CTNND2: variants seen among roughly 807,000 people sequenced by gnomAD.
The protein encoded by CTNND2 is catenin delta 2.
A neutral mutation model predicts 144.4 loss-of-function variants in CTNND2; 22 were observed. The observed-to-expected ratio is 0.15, with a 90% CI of 0.11 to 0.22. The LOEUF (loss-of-function observed/expected upper bound fraction) is 0.22, where lower values mean the gene tolerates loss of function less well. Ranked by LOEUF, CTNND2 falls within the 10% of genes least tolerant of loss-of-function variation. CTNND2 has a pLI of 1.00. For synonymous variants in CTNND2, 751 were observed against 695.6 expected (o/e 1.08, Z -1.25); for missense variants, 1,353 against 1,618.8 (o/e 0.84, Z 2.82).
At chr5:11,259,158 G>T (rs1010426264) in intron 9 of CTNND2, among the ~76,000 whole-genome samples, 1 of 152,196 alleles carries the variant, frequency 6.6e-6, no homozygotes, top group Admixed American at 6.5e-5. Context: ...GACTTCAGTA[G>T]TAACTCCTGC....
chr5:11,606,129 T>G (rs1007928086), intron 2 of CTNND2, among the ~76,000 whole-genome samples: 3 of 152,086 alleles, frequency 2.0e-5, no homozygotes, highest in African/African-American at 7.2e-5. Flanking sequence ...GGAATACAAG[T>G]GGACTCCGGA....
intron 1 of CTNND2, among the ~76,000 whole-genome samples, chr5:11,798,895 A>G (rs1313651157): frequency 6.6e-6 from 1 of 152,204 alleles, no homozygotes; most frequent in Non-Finnish European, 1.5e-5. Context: ...CACAGTATAA[A>G]TCATGACTTT....
In CTNND2 at chr5:11,439,408, A is replaced by G. The variant is rs572054210; in HGVS notation, c.288-27339T>C. ...ATTCTGGGATACCCTCGTTAGTCATAAAGAGGAAGTCACTTTTTCCCTTTC... is the reference window on the plus strand; with the variant it reads ...ATTCTGGGATACCCTCGTTAGTCATGAAGAGGAAGTCACTTTTTCCCTTTC... On this transcript the variant is annotated intron_variant, in intron 3 of 21. Coordinates refer to ENST00000304623, the MANE Select transcript of CTNND2 (RefSeq NM_001332.4). 4.6e-5 allele frequency among the ~76,000 whole-genome samples: 7 copies of G among 152,318 alleles called. No individual in the cohort carries two copies. The South Asian group carries it at 8.3e-4, about 18-fold the overall frequency.
chr5:11,039,948 G>C (rs2149565619), intron 16 of CTNND2, among the ~76,000 whole-genome samples: 1 of 152,270 alleles, frequency 6.6e-6, no homozygotes, highest in Admixed American at 6.5e-5. Flanking sequence ...TGTAGTCCCA[G>C]CTACTTGGGA....
chr5:11,682,980 T>C (rs991320982), intron 2 of CTNND2, among the ~76,000 whole-genome samples: 2 of 152,254 alleles, frequency 1.3e-5, no homozygotes, highest in Admixed American at 1.3e-4. Flanking sequence ...AGATAATTAC[T>C]AAATTTATTG....
intron 6 of CTNND2, among the ~76,000 whole-genome samples, chr5:11,392,662 G>A (rs886624575): frequency 2.0e-5 from 3 of 152,214 alleles, no homozygotes; most frequent in African/African-American, 4.8e-5. Context: ...GCAAGGAATA[G>A]GGATTCACAA....
In CTNND2 at chr5:11,342,246, ATGT is replaced by A. The variant is rs34117261; in HGVS notation, c.1628+4123_1628+4125del. 1.9e-3 allele frequency among the ~76,000 whole-genome samples: 287 copies of A among 152,358 alleles called. 1 individual carries two copies. The highest frequency in any genetic ancestry group is 0.014 in the East Asian group (73 of 5,188). On this transcript the variant is annotated intron_variant, in intron 9 of 21. Transcript: ENST00000304623. ...AATAAAGTGTCCAACAATAAGATAA[ATGT>A]TGTTACTATTTCGAAACAGCACACA...
chr5:11,718,916 CAT>C (rs1217447513), intron 2 of CTNND2, among the ~76,000 whole-genome samples: 1 of 152,130 alleles, frequency 6.6e-6, no homozygotes, highest in Non-Finnish European at 1.5e-5. Flanking sequence ...CTTGAGACTG[CAT>C]AGTCTTTACT....
chr5:11,250,455 T>TTCTCTCTC (rs1561093391), intron 9 of CTNND2, among the ~76,000 whole-genome samples: 2 of 72,950 alleles, frequency 2.7e-5, no homozygotes, highest in Non-Finnish European at 5.7e-5. Context: ...ATTTAAAGGG[T>TTCTCTCTC]GCTCTCTCTC....
At chr5:10,991,981 G>A (rs376431267) in intron 19 of CTNND2, among the ~76,000 whole-genome samples, 93 of 152,286 alleles carry the variant, frequency 6.1e-4, no homozygotes, top group African/African-American at 1.5e-3. Context: ...GCAGTGGCGC[G>A]ATCTCTGCTC....
At chr5:11,467,587 A>G (rs1286479362) in intron 3 of CTNND2, among the ~76,000 whole-genome samples, 5 of 152,208 alleles carry the variant, frequency 3.3e-5, no homozygotes, top group Non-Finnish European at 7.3e-5. Flanking sequence ...TGTGTGTGTG[A>G]GTCAAAATAA....
intron 2 of CTNND2, among the ~76,000 whole-genome samples, chr5:11,666,384 T>C (rs1348715645): frequency 1.3e-5 from 2 of 152,170 alleles, no homozygotes; most frequent in African/African-American, 4.8e-5. Context: ...ACATTAAGAA[T>C]GAAACACAGA....
chr5:11,718,563 A>G (rs988786459), intron 2 of CTNND2, among the ~76,000 whole-genome samples: 7 of 152,144 alleles, frequency 4.6e-5, no homozygotes, highest in African/African-American at 1.4e-4. Flanking sequence ...GAGGGTTTTA[A>G]GTCACAGCAA....
chr5:11,207,090 C>T (rs912359469), intron 10 of CTNND2, among the ~76,000 whole-genome samples: 5 of 152,152 alleles, frequency 3.3e-5, no homozygotes, highest in African/African-American at 1.2e-4. Context: ...TTTGCAGGGA[C>T]ATGGATGAAG....
At position 11,383,533 on chromosome 5, in the gene CTNND2, T is replaced by C. The variant is rs61749853; in HGVS notation, c.1177+1132A>G. Among the ~76,000 whole-genome samples, 458 of 152,292 alleles carry C rather than the reference T, an allele frequency of 3.0e-3. 2 individuals are homozygous for C. The highest frequency in any genetic ancestry group is 0.01 in the African/African-American group (436 of 41,572). ...ATATTTTCATTTCAGTAAACGTAGC[T>C]AGCATAATTTTGTGGGCAGTGGCAC... On this transcript the variant is annotated intron_variant, in intron 7 of 21. Coordinates refer to ENST00000304623, the MANE Select transcript of CTNND2 (RefSeq NM_001332.4).
intron 1 of CTNND2, among the ~76,000 whole-genome samples, chr5:11,780,318 C>A (rs1790477996): frequency 6.6e-6 from 1 of 152,164 alleles, no homozygotes; most frequent in Non-Finnish European, 1.5e-5. Context: ...GCTATGCCAG[C>A]CACCTCATCA....
chr5:11,256,216 T>C (rs978687209), intron 9 of CTNND2, among the ~76,000 whole-genome samples: 1 of 152,132 alleles, frequency 6.6e-6, no homozygotes, highest in African/African-American at 2.4e-5. Context: ...AAAACTCCTT[T>C]CCTAATGACA....
chr5:11,197,172 C>T lies in CTNND2; in HGVS notation c.1975+2276G>A, dbSNP rs61751790. 4.0e-3 allele frequency among the ~76,000 whole-genome samples: 605 copies of T among 152,256 alleles called. 1 individual carries two copies. Among genetic ancestry groups the T allele is most frequent in the Non-Finnish European group, 7.0e-3 (477 of 68,016 alleles). On this transcript the variant is annotated intron_variant, in intron 11 of 21. Coordinates refer to ENST00000304623, the MANE Select transcript of CTNND2 (RefSeq NM_001332.4). ...CTTGGCCAAGTGGCTTGTGGATTTT[C>T]TAAAGAATCCATGATGGCAACTTCA...
chr5:11,112,776 G>A lies in CTNND2; in HGVS notation c.2278-1733C>T, dbSNP rs192771851. On this transcript the variant is annotated intron_variant, in intron 13 of 21. Transcript: ENST00000304623. ...CTGGGCCTACCATTTCACAAGCTGT[G>A]GGGCCTTGGGCAAAGTGCTTAATCT... 2.1e-3 allele frequency among the ~76,000 whole-genome samples: 313 copies of A among 152,298 alleles called. 1 individual carries two copies. The highest frequency in any genetic ancestry group is 3.9e-3 in the Non-Finnish European group (265 of 68,036).
Sources: gnomAD v4.1 joint callset for allele counts (sites outside exome capture counted in the v4.1 genomes callset) on GRCh38, gnomAD v4.1.1 for gene constraint, MANE v1.5 for transcripts, NCBI Gene and HGNC (gene_info 2026-07-23, HGNC 2026-07-21) for gene names.